The following ERC2 variants were observed in gnomAD, a reference collection of about 807,000 sequenced individuals.
The protein encoded by ERC2 is ELKS/RAB6-interacting/CAST family member 2.
In ERC2, 42 loss-of-function variants were observed where a neutral mutation model predicts 114.8. That is an observed-to-expected ratio of 0.37 (90% CI 0.29 to 0.47). The LOEUF is 0.47. Ranked by LOEUF, ERC2 falls within the 20% of genes least tolerant of loss-of-function variation. The pLI is 0.99. For synonymous variants in ERC2, 454 were observed against 425.5 expected, an observed-to-expected ratio of 1.07 and a Z score of -0.82; for missense variants, 939 against 1,150.7, an observed-to-expected ratio of 0.82 and a Z score of 2.66.
intron 2 of ERC2, among the ~76,000 whole-genome samples, chr3:56,356,005 C>T (rs553974462): frequency 4.6e-5 from 7 of 152,154 alleles, no homozygotes; most frequent in African/African-American, 9.7e-5. Context: ...GTGAATCAGA[C>T]GGCCTCACAA....
At chr3:55,619,737 T>C (rs2059256038) in intron 17 of ERC2, among the ~76,000 whole-genome samples, 1 of 152,184 alleles carries the variant, frequency 6.6e-6, no homozygotes, top group Non-Finnish European at 1.5e-5. Context: ...TAGACCTCCT[T>C]ACCAACAAAG....
At chr3:55,551,755 C>T (rs1197438208) in intron 17 of ERC2, among the ~76,000 whole-genome samples, 1 of 152,106 alleles carries the variant, frequency 6.6e-6, no homozygotes, top group African/African-American at 2.4e-5. Context: ...TACTCAAAGT[C>T]CTCCGATTTA....
intron 3 of ERC2, among the ~76,000 whole-genome samples, chr3:56,176,398 C>G (rs1225099287): frequency 3.3e-5 from 5 of 152,048 alleles, no homozygotes; most frequent in African/African-American, 1.2e-4. Context: ...AAAACATTGT[C>G]AAGGGTAAAC....
intron 2 of ERC2, among the ~76,000 whole-genome samples, chr3:56,416,663 A>T (rs1299520586): frequency 7.3e-6 from 1 of 137,808 alleles, no homozygotes; most frequent in African/African-American, 3.2e-5. Context: ...CATGATTAAA[A>T]AAAAAAAAAA....
intron 2 of ERC2, among the ~76,000 whole-genome samples, chr3:56,320,455 C>T (rs543879637): frequency 6.6e-6 from 1 of 152,324 alleles, no homozygotes; most frequent in East Asian, 1.9e-4. Context: ...CATGCTTCTA[C>T]TAGCTTGTAA....
chr3:55,683,259 C>T (rs150841771), intron 17 of ERC2, among the ~76,000 whole-genome samples: 407 of 152,298 alleles, frequency 2.7e-3, no homozygotes, highest in African/African-American at 9.1e-3. Flanking sequence ...GTGTTTTCTT[C>T]AGAACTGCCA....
At chr3:56,404,539 AT>A (rs539392532) in intron 2 of ERC2, among the ~76,000 whole-genome samples, 24 of 152,348 alleles carry the variant, frequency 1.6e-4, no homozygotes, top group African/African-American at 5.8e-4. Flanking sequence ...ATTATAGTCA[AT>A]AATAATTGTA....
At chr3:55,829,798 T>G (rs572251731) in intron 14 of ERC2, among the ~76,000 whole-genome samples, 4 of 152,310 alleles carry the variant, frequency 2.6e-5, no homozygotes, top group African/African-American at 9.6e-5. Flanking sequence ...GTACTGAGAT[T>G]ACAGGTATAA....
intron 17 of ERC2, among the ~76,000 whole-genome samples, chr3:55,547,479 C>T (rs1201768084): frequency 6.6e-6 from 1 of 152,214 alleles, no homozygotes; most frequent in Non-Finnish European, 1.5e-5. Context: ...GCGCCTCCAT[C>T]AAGCCACATT....
intron 14 of ERC2, among the ~76,000 whole-genome samples, chr3:55,750,227 T>G (rs1479321452): frequency 6.6e-6 from 1 of 152,198 alleles, no homozygotes; most frequent in Non-Finnish European, 1.5e-5. Context: ...AACATCTTCA[T>G]TGTTAAGATA....
intron 3 of ERC2, among the ~76,000 whole-genome samples, chr3:56,187,377 G>A (rs986158670): frequency 1.3e-4 from 20 of 152,170 alleles, no homozygotes; most frequent in African/African-American, 3.1e-4. Flanking sequence ...TACAATCTAC[G>A]ATTCAGAGGT....
chr3:55,715,276 G>A (rs761355649), intron 15 of ERC2, among the ~76,000 whole-genome samples: 1 of 152,094 alleles, frequency 6.6e-6, no homozygotes, highest in African/African-American at 2.4e-5. Flanking sequence ...AGAATCCAGG[G>A]GACCTCGGCT....
chr3:56,400,172 G>C (rs1480476027), intron 2 of ERC2, among the ~76,000 whole-genome samples: 2 of 152,100 alleles, frequency 1.3e-5, no homozygotes, highest in African/African-American at 4.8e-5. Flanking sequence ...ATCTTTTATA[G>C]ATAGAGACTA....
At chr3:55,725,091 C>T (rs1404844201) in intron 15 of ERC2, among the ~76,000 whole-genome samples, 1 of 152,172 alleles carries the variant, frequency 6.6e-6, no homozygotes, top group Non-Finnish European at 1.5e-5. Flanking sequence ...GTTTTGGTCA[C>T]CTTCAGCTAA....
chr3:55,957,870 G>C (rs2068071090), intron 12 of ERC2, among the ~76,000 whole-genome samples: 1 of 152,234 alleles, frequency 6.6e-6, no homozygotes, highest in Admixed American at 6.5e-5. Context: ...CAGAGCCTCA[G>C]AGAGGGTGTC....
rs1375793590 is a variant in ERC2 at position 55,753,816 on chromosome 3, T to C, written c.2565-18898A>G. Among the ~76,000 whole-genome samples the C allele has an allele frequency of 3.9e-5, 6 of 152,246 alleles. 1 individual carries two copies. The highest frequency in any genetic ancestry group is 3.3e-4 in the Admixed American group (5 of 15,288). ...ATAAACTTAAACAATGATCAGTTTTTCTAAATGCACCAAACTTGCAATTAA... is the reference window on the plus strand; with the variant it reads ...ATAAACTTAAACAATGATCAGTTTTCCTAAATGCACCAAACTTGCAATTAA... On this transcript the variant is annotated intron_variant, in intron 14 of 17. Coordinates refer to ENST00000288221, the MANE Select transcript of ERC2 (RefSeq NM_015576.3).
At chr3:56,195,020 T>G (rs1179765621) in intron 3 of ERC2, among the ~76,000 whole-genome samples, 3 of 152,196 alleles carry the variant, frequency 2.0e-5, no homozygotes, top group Non-Finnish European at 4.4e-5. Flanking sequence ...ATATTACCTA[T>G]GATGAAGCTG....
intron 14 of ERC2, among the ~76,000 whole-genome samples, chr3:55,750,927 G>A (rs972046298): frequency 6.4e-4 from 98 of 152,110 alleles, no homozygotes; most frequent in African/African-American, 2.3e-3. Flanking sequence ...CTAATGTTTG[G>A]AATTAAAATG....
intron 3 of ERC2, among the ~76,000 whole-genome samples, chr3:56,273,845 TG>T: frequency 6.6e-6 from 1 of 152,360 alleles, no homozygotes; most frequent in African/African-American, 2.4e-5. Flanking sequence ...TGTCATCTTC[TG>T]ACAAGCGTAT....
Sources: allele counts gnomAD v4.1 joint callset (sites outside exome capture counted in the v4.1 genomes callset), GRCh38; gene constraint gnomAD v4.1.1; transcripts MANE v1.5; gene names NCBI Gene and HGNC (gene_info 2026-07-23, HGNC 2026-07-21).